The following MYO16 variants were observed in gnomAD, a reference collection of about 807,000 sequenced individuals.
MYO16 encodes unconventional myosin-XVI.
In MYO16, 94 loss-of-function variants were observed where a neutral mutation model predicts 205.3. The ratio of observed to expected loss-of-function variants is 0.46; its 90% CI spans 0.39 to 0.54. The LOEUF (loss-of-function observed/expected upper bound fraction) is 0.54. Ranked by LOEUF, MYO16 falls within the 20% of genes least tolerant of loss-of-function variation. The pLI is 0.00. For synonymous variants in MYO16, 988 were observed against 954.0 expected (o/e 1.04, Z -0.66); for missense variants, 2,315 against 2,387.5 (o/e 0.97, Z 0.63).
chr13:108,926,865 T>A (rs1349144829), intron 16 of MYO16, among the ~76,000 whole-genome samples: 1 of 151,988 alleles, frequency 6.6e-6, no homozygotes, highest in Non-Finnish European at 1.5e-5. Flanking sequence ...CAACATCTTT[T>A]AAAAAAAACA....
At chr13:108,603,234 T>C (rs1467910366) in intron 1 of MYO16, among the ~76,000 whole-genome samples, 1 of 152,178 alleles carries the variant, frequency 6.6e-6, no homozygotes, top group African/African-American at 2.4e-5. Flanking sequence ...GTTTTGCTAA[T>C]TAGGAAAATC....
At chr13:108,849,506 T>A (rs1228769915) in intron 10 of MYO16, among the ~76,000 whole-genome samples, 1 of 150,094 alleles carries the variant, frequency 6.7e-6, no homozygotes, top group African/African-American at 2.5e-5. Flanking sequence ...ACAGTCTTTT[T>A]TTTTTTTAAT....
the MYO16 span, among the ~76,000 whole-genome samples, chr13:108,553,633 G>T: frequency 6.6e-6 from 1 of 152,124 alleles, no homozygotes; most frequent in Non-Finnish European, 1.5e-5. Flanking sequence ...GTTATCCCAG[G>T]CTGAGTTATT....
chr13:108,598,207 G>A (rs1878632443), intron 1 of MYO16, among the ~76,000 whole-genome samples: 1 of 152,202 alleles, frequency 6.6e-6, no homozygotes, highest in African/African-American at 2.4e-5. Context: ...ACAGGGCACA[G>A]AATGAATCAC....
At chr13:109,076,975 AT>A (rs966194014) in intron 27 of MYO16, among the ~76,000 whole-genome samples, 10 of 148,374 alleles carry the variant, frequency 6.7e-5, no homozygotes, top group Admixed American at 4.8e-4. Flanking sequence ...TTTCAGCTCA[AT>A]TTATTTATTT....
chr13:108,688,796 A>T (rs1217752375), intron 2 of MYO16, among the ~76,000 whole-genome samples: 1 of 152,192 alleles, frequency 6.6e-6, no homozygotes, highest in Non-Finnish European at 1.5e-5. Context: ...TTTTAGAAAG[A>T]CCGTCAATTT....
intron 28 of MYO16, among the ~76,000 whole-genome samples, chr13:109,118,713 T>G (rs1875842510): frequency 6.6e-6 from 1 of 152,126 alleles, no homozygotes; most frequent in Non-Finnish European, 1.5e-5. Flanking sequence ...AGATTTGTTC[T>G]GCAGAGCTCA....
intron 4 of MYO16, among the ~76,000 whole-genome samples, chr13:108,746,163 A>G (rs1192428560): frequency 6.6e-6 from 1 of 152,198 alleles, no homozygotes; most frequent in African/African-American, 2.4e-5. Context: ...ACTGCACTCC[A>G]GCCTGGGCTA....
At chr13:108,793,304 AAC>A (rs1253414413) in intron 5 of MYO16, among the ~76,000 whole-genome samples, 1 of 152,036 alleles carries the variant, frequency 6.6e-6, no homozygotes, top group African/African-American at 2.4e-5. Context: ...AAAAAAAAAA[AAC>A]ATAACAAGAG....
chr13:108,557,644 G>A, the MYO16 span, among the ~76,000 whole-genome samples: 1 of 152,012 alleles, frequency 6.6e-6, no homozygotes, highest in Non-Finnish European at 1.5e-5. Flanking sequence ...AAGACAATTG[G>A]CATTTATTTC....
intron 15 of MYO16, among the ~76,000 whole-genome samples, chr13:108,898,351 A>AGAGTGTGTGTGTGTGTGT (rs1555310476): frequency 6.9e-6 from 1 of 144,992 alleles, no homozygotes; most frequent in Non-Finnish European, 1.5e-5. Flanking sequence ...AGGGTGTGTG[A>AGAGTGTGTGTGTGTGTGT]GTGTGTGTGT....
At position 109,140,653 on chromosome 13, in the gene MYO16, C is replaced by T; in HGVS notation, c.4441C>T (p.Leu1481=). The T allele has an allele frequency of 6.7e-7, 1 of 1,502,352 alleles. No homozygotes were observed. Among genetic ancestry groups the T allele is most frequent in the Non-Finnish European group, 8.9e-7 (1 of 1,129,390 alleles). 93.1% of individuals were successfully genotyped at this position (1,502,352 alleles called of 1,614,324 possible). A position where few individuals can be genotyped will look rare whatever the true frequency, so the allele number is the denominator to read the frequency against. Residue 1481 remains leucine, a synonymous_variant, in exon 32 of 35, where the codon CTG becomes TTG. Transcript: ENST00000457511. This position sits in a 1 kb window ranked among gnomAD's most constrained non-coding sequence, Gnocchi z 8.0. ...CCTGCTCCACGGCGCATCGCCGCCC[C>T]TGCTCCACCGCGCGCCGGAGGACGA... is the stretch of plus-strand genomic sequence containing the variant. ...SFLLHGASPP[L]LHRAPEDEAA...
At chr13:109,000,739 A>G (rs1305050593) in intron 21 of MYO16, among the ~76,000 whole-genome samples, 3 of 152,174 alleles carry the variant, frequency 2.0e-5, no homozygotes, top group Non-Finnish European at 4.4e-5. Context: ...AAATTGAGGA[A>G]TATATTTTAT....
At chr13:108,617,587 G>A (rs1011408981) in intron 1 of MYO16, among the ~76,000 whole-genome samples, 13 of 152,108 alleles carry the variant, frequency 8.5e-5, no homozygotes, top group African/African-American at 3.1e-4. Flanking sequence ...CTGTGCCATG[G>A]TTGTCTCTCA....
rs113054694 is a variant in MYO16, at chr13:108,920,175, C to T, written c.1925+10025C>T. On this transcript the variant is annotated intron_variant, in intron 16 of 34. Transcript: ENST00000457511. ...CTTACCTTACGTTGAAGGACCACGA[C>T]GCAGATGTTTGCTAAAAATGGTTGA... is the stretch of plus-strand genomic sequence containing the variant. Among the ~76,000 whole-genome samples, 157 of 152,290 alleles carry T rather than the reference C, an allele frequency of 1.0e-3. 1 individual carries two copies. The highest frequency in any genetic ancestry group is 3.5e-3 in the African/African-American group (146 of 41,560).
At chr13:109,001,969 CTT>C (rs1885228848) in intron 21 of MYO16, among the ~76,000 whole-genome samples, 1 of 151,080 alleles carries the variant, frequency 6.6e-6, no homozygotes, top group Admixed American at 6.6e-5. Context: ...ACATTAATAT[CTT>C]ATATATACAC....
intron 27 of MYO16, among the ~76,000 whole-genome samples, chr13:109,096,852 C>T (rs760585310): frequency 2.6e-5 from 4 of 152,192 alleles, no homozygotes; most frequent in Admixed American, 1.3e-4. Context: ...GAGGGTAGAG[C>T]GTTGCTTGTT....
chr13:109,117,499 ATATGTATATATG>A (rs1768318253), intron 28 of MYO16, among the ~76,000 whole-genome samples: 1 of 148,324 alleles, frequency 6.7e-6, no homozygotes, highest in Admixed American at 6.8e-5. Context: ...TATGTAATAT[ATATGTATATATG>A]TATGTATATA....
the MYO16 span, among the ~76,000 whole-genome samples, chr13:108,589,196 T>C: frequency 2.0e-5 from 3 of 152,212 alleles, no homozygotes; most frequent in African/African-American, 7.2e-5. Context: ...GGGCCCTGGT[T>C]TGGATGATAA....
Sources: allele counts gnomAD v4.1 joint callset (sites outside exome capture counted in the v4.1 genomes callset), GRCh38; gene constraint gnomAD v4.1.1; non-coding constraint Gnocchi (gnomAD v3.1); transcripts MANE v1.5; gene names NCBI Gene and HGNC (gene_info 2026-07-23, HGNC 2026-07-21).